ZNF726: variants seen among roughly 807,000 people sequenced by gnomAD.
ZNF726 encodes zinc finger protein 726, also known as zinc finger protein 92 pseudogene 3.
A neutral mutation model predicts 11.6 loss-of-function variants in ZNF726; 15 were observed. That is an observed-to-expected ratio of 1.29 (90% CI 0.86 to 1.99). The LOEUF is 1.99. Among genes scored for constraint, ZNF726 ranks in the 30% most tolerant of loss-of-function variants. ZNF726 has a pLI of 0.00. For missense variants in ZNF726, 890 were observed against 725.6 expected, an observed-to-expected ratio of 1.23 and a Z score of -2.60; for synonymous variants, 295 against 243.6, an observed-to-expected ratio of 1.21 and a Z score of -1.96.
downstream of ZNF726, chr19:23,935,882 C>T (rs1407809326): frequency 6.6e-6 from 1 of 152,624 alleles, no homozygotes; most frequent in Admixed American, 6.5e-5. Flanking sequence ...AATCTAATTA[C>T]CGTCAAAAGA....
At chr19:23,915,124 A>G in intron 1 of ZNF726, 127 bp downstream of exon 1, 2 of 1,441,634 alleles carry the variant, frequency 1.4e-6, no homozygotes, top group South Asian at 1.2e-5. Flanking sequence ...GTTGTTGCCC[A>G]GCTCGGCCTC....
chr19:23,934,589 T>G, downstream of ZNF726: 1 of 322,578 alleles, frequency 3.1e-6, no homozygotes, highest in South Asian at 2.7e-5. Context: ...TGTACAGTGG[T>G]ATTCCTGTGG....
At chr19:23,943,180 C>T (rs557382188) in intron 3 of ZNF726, among the ~76,000 whole-genome samples, 1 of 152,230 alleles carries the variant, frequency 6.6e-6, no homozygotes, top group East Asian at 1.9e-4. Flanking sequence ...ACCACCACGC[C>T]CAGCTAATTT....
At chr19:23,930,002 C>T (rs1968071924) in intron 3 of ZNF726, among the ~76,000 whole-genome samples, 1 of 152,152 alleles carries the variant, frequency 6.6e-6, no homozygotes, top group Non-Finnish European at 1.5e-5. Context: ...CTGTATTACT[C>T]AGGCTGACCT....
intron 1 of ZNF726, chr19:23,918,955 C>T (rs575962379): frequency 5.8e-6 from 1 of 171,882 alleles, no homozygotes; most frequent in Non-Finnish European, 1.2e-5. Context: ...TCTGCATTAA[C>T]GAGATGTCCA....
downstream of ZNF726, among the ~76,000 whole-genome samples, chr19:23,937,893 T>C (rs996391893): frequency 1.3e-5 from 2 of 152,248 alleles, no homozygotes; most frequent in African/African-American, 4.8e-5. Flanking sequence ...TAACATTAAG[T>C]TAGTAGTATG....
intron 3 of ZNF726, among the ~76,000 whole-genome samples, chr19:23,941,270 G>T (rs984505097): frequency 6.6e-6 from 1 of 152,044 alleles, no homozygotes; most frequent in Non-Finnish European, 1.5e-5. Context: ...TATTTATGTG[G>T]TGTATCACAT....
At chr19:23,932,019 T>G (rs1968116725) in intron 3 of ZNF726, among the ~76,000 whole-genome samples, 1 of 152,216 alleles carries the variant, frequency 6.6e-6, no homozygotes, top group Admixed American at 6.5e-5. Context: ...GCAATTTACT[T>G]CTAAAGGCAC....
rs187225110 is a variant in ZNF726 at position 23,923,011 on chromosome 19, C to T, written c.226+2929C>T. Reference sequence around the variant, plus strand: ...TCAAATTTGTCTGTAATTTTAGATTCAGACATTTAGGACAATATACTAGAA... The same window carrying T: ...TCAAATTTGTCTGTAATTTTAGATTTAGACATTTAGGACAATATACTAGAA... On this transcript the variant is annotated intron_variant, in intron 3 of 3. Coordinates refer to ENST00000594466, the MANE Select transcript of ZNF726 (RefSeq NM_001244038.2). Among the ~76,000 whole-genome samples the T allele has an allele frequency of 2.9e-4, 44 of 151,310 alleles. No homozygotes were observed. In the East Asian group the frequency reaches 7.8e-3, roughly 27 times the overall value.
chr19:23,940,294 T>C (rs1367506469), intron 3 of ZNF726, among the ~76,000 whole-genome samples: 2 of 152,164 alleles, frequency 1.3e-5, no homozygotes, highest in African/African-American at 2.4e-5. Context: ...CATTATGTTT[T>C]TGTTTGCTTT....
At chr19:23,917,116 A>G (rs1443241395) in intron 1 of ZNF726, among the ~76,000 whole-genome samples, 3 of 152,246 alleles carry the variant, frequency 2.0e-5, no homozygotes, top group South Asian at 2.1e-4. Context: ...ACACCCACCT[A>G]GTTTTTGTAT....
chr19:23,930,071 GGCATGAGCCACGGT>G (rs1239496530), intron 3 of ZNF726, among the ~76,000 whole-genome samples: 4 of 152,176 alleles, frequency 2.6e-5, no homozygotes, highest in Non-Finnish European at 5.9e-5. Context: ...TAAAATTAGA[GGCATGAGCCACGGT>G]GCCTGGCCAC....
Position 23,932,838 on chromosome 19 carries a change from C to A in ZNF726, c.722C>A (p.Ser241Tyr). 3.7e-6 allele frequency: 6 copies of A among 1,606,110 alleles called. No homozygotes were observed. Among genetic ancestry groups the A allele is most frequent in the Non-Finnish European group, 5.1e-6 (6 of 1,176,528 alleles). The change falls in exon 4 of 4, where the codon TCC becomes TAC. Residue 241 changes from serine (S) to tyrosine (Y), a missense_variant. Physicochemically the swap from Ser to Tyr is moderately radical, Grantham distance 144. Coordinates refer to ENST00000594466, the MANE Select transcript of ZNF726 (RefSeq NM_001244038.2). The stretch of plus-strand genomic sequence containing the variant: ...GAATATGGCAAAGCTTTTAATCAAT[C>A]CTCAAATTATACTACACATAAGGTA... ...CEEYGKAFNQSSNYTTHKVTH... is the reference protein window; with the variant it reads ...CEEYGKAFNQYSNYTTHKVTH...
At position 23,932,923 on chromosome 19, in the gene ZNF726, C is replaced by G. The variant is rs1252571665; in HGVS notation, c.807C>G (p.Ser269=). ...CEECGKAFSQ[S]STLTIHKRIH... is the part of the protein sequence containing the mutation. ...AATGTGGCAAAGCATTTAGCCAATC[C>G]TCAACACTAACCATACATAAGAGGA... Residue 269 remains serine, a synonymous_variant, in exon 4 of 4, where the codon TCC becomes TCG. Coordinates refer to ENST00000594466, the MANE Select transcript of ZNF726 (RefSeq NM_001244038.2). The G allele has an allele frequency of 1.9e-6, 3 of 1,610,888 alleles. No individual in the cohort carries two copies. Among genetic ancestry groups the G allele is most frequent in the Non-Finnish European group, 2.5e-6 (3 of 1,179,148 alleles).
In ZNF726 at chr19:23,942,935, C is replaced by G. The variant is rs371214936; in HGVS notation, c.227-559C>G. On this transcript the variant is annotated intron_variant, in intron 3 of 4. Coordinates refer to the ZNF726 transcript ENST00000334589. ...TGTCTTTTAATTGGAGCATTTAGGC[C>G]ATTTCCATTCAGTGTTAGTATTGAA... is the stretch of plus-strand genomic sequence containing the variant. 1.4e-4 allele frequency among the ~76,000 whole-genome samples: 22 copies of G among 152,248 alleles called. No homozygotes were observed. In the South Asian group the frequency reaches 1.4e-3, roughly 10 times the overall value.
chr19:23,937,268 T>C (rs540666560), downstream of ZNF726, among the ~76,000 whole-genome samples: 4 of 150,474 alleles, frequency 2.7e-5, no homozygotes, highest in African/African-American at 9.8e-5. Context: ...CCGGGGCGGC[T>C]GGCCGGGCGG....
At chr19:23,915,845 G>C (rs1322978817) in intron 1 of ZNF726, among the ~76,000 whole-genome samples, 1 of 152,098 alleles carries the variant, frequency 6.6e-6, no homozygotes, top group African/African-American at 2.4e-5. Context: ...GCCTTCCAAA[G>C]TTCTGGGATT....
At chr19:23,944,103 A>G (rs545227944) in intron 4 of ZNF726, 3 of 152,264 alleles carry the variant, frequency 2.0e-5, no homozygotes, top group South Asian at 4.1e-4. Context: ...TTTCATTTGC[A>G]GTTGCCTGTT....
In ZNF726 at chr19:23,933,953, A is replaced by G; in HGVS notation, c.1837A>G (p.Arg613Gly). Residue 613 changes from arginine to glycine, a missense_variant, in exon 4 of 4, where the codon AGG (arginine) becomes GGG (glycine). By Grantham distance (125) the Arg-to-Gly change is moderately radical (BLOSUM62 -2). Coordinates refer to ENST00000594466, the MANE Select transcript of ZNF726 (RefSeq NM_001244038.2). ...GTCCTCAACCCTTTTTAAGCATAAGAGGATTCATACTTGAGAGAAACCTTA... is the reference window on the plus strand; with the variant it reads ...GTCCTCAACCCTTTTTAAGCATAAGGGGATTCATACTTGAGAGAAACCTTA... Reference protein sequence around the residue: ...IWSSTLFKHKRIHT With the variant: ...IWSSTLFKHKGIHT 1 of 1,578,942 alleles carries G rather than the reference A, an allele frequency of 6.3e-7. No individual in the cohort carries two copies.
Sources: gnomAD v4.1 joint callset for allele counts (sites outside exome capture counted in the v4.1 genomes callset) on GRCh38, gnomAD v4.1.1 for gene constraint, MANE v1.5 for transcripts, NCBI Gene and HGNC (gene_info 2026-07-23, HGNC 2026-07-21) for gene names.